Variants in TMEFF2 observed in about 807,000 individuals in gnomAD.
TMEFF2 encodes tomoregulin-2.
TMEFF2 carries 28 observed loss-of-function variants against 53.8 expected under a neutral mutation model. That is an observed-to-expected ratio of 0.52 (90% CI 0.39 to 0.71). TMEFF2 has a LOEUF of 0.71. Ranked by LOEUF, TMEFF2 falls within the 30% of genes least tolerant of loss-of-function variation. The pLI is 0.00. For synonymous variants in TMEFF2, 162 were observed against 166.3 expected (o/e 0.97, Z 0.20); for missense variants, 353 against 455.2 (o/e 0.78, Z 2.04).
intron 4 of TMEFF2, among the ~76,000 whole-genome samples, chr2:192,099,018 T>C (rs1688976256): frequency 6.6e-6 from 1 of 152,134 alleles, no homozygotes; most frequent in South Asian, 2.1e-4. Context: ...AAAACCACTT[T>C]AGTACTTGGT....
chr2:192,072,844 T>A (rs929038495), intron 4 of TMEFF2, among the ~76,000 whole-genome samples: 2 of 151,830 alleles, frequency 1.3e-5, no homozygotes, highest in Non-Finnish European at 2.9e-5. Flanking sequence ...GGAGACTGCA[T>A]CATATTCATT....
chr2:192,048,777 G>A (rs1687689100), intron 5 of TMEFF2, among the ~76,000 whole-genome samples: 2 of 152,120 alleles, frequency 1.3e-5, no homozygotes, highest in Admixed American at 1.3e-4. Context: ...CTCACAGTCA[G>A]GGTTGCCACT....
intron 4 of TMEFF2, among the ~76,000 whole-genome samples, chr2:192,077,171 T>G (rs148131570): frequency 7.9e-4 from 120 of 152,262 alleles, no homozygotes; most frequent in Non-Finnish European, 9.3e-4. Flanking sequence ...GTTGAGAGTT[T>G]TAGCAAATGC....
At chr2:191,966,290 G>A (rs1197413988) in intron 7 of TMEFF2, among the ~76,000 whole-genome samples, 1 of 152,194 alleles carries the variant, frequency 6.6e-6, no homozygotes, top group Non-Finnish European at 1.5e-5. Context: ...CAGAGAAGGG[G>A]ATGTGGTTTC....
Position 192,075,332 on chromosome 2 carries a change from T to TATACACAC in TMEFF2, c.440-17558_440-17557insGTGTGTAT, listed in dbSNP as rs796267672. 5.0e-3 allele frequency among the ~76,000 whole-genome samples: 438 copies of TATACACAC among 88,084 alleles called. 21 individuals are homozygous for TATACACAC. The highest frequency in any genetic ancestry group is 0.01 in the Admixed American group (75 of 7,174). The allele number at this position is 88,084 out of a possible 152,430, so 57.8% of individuals were successfully genotyped here. ...ATATATATATATATATATATATATA[T>TATACACAC]ACATACATACTATGTATATCCTTGC... On this transcript the variant is annotated intron_variant, in intron 4 of 9. Transcript: ENST00000272771.
chr2:192,017,502 T>C (rs1257990576), intron 5 of TMEFF2, among the ~76,000 whole-genome samples: 2 of 152,156 alleles, frequency 1.3e-5, no homozygotes, highest in Non-Finnish European at 2.9e-5. Context: ...TCATTATGCC[T>C]TTTGGCAGCA....
intron 4 of TMEFF2, among the ~76,000 whole-genome samples, chr2:192,087,294 A>G (rs1412308563): frequency 6.6e-6 from 1 of 152,092 alleles, no homozygotes; most frequent in African/African-American, 2.4e-5. Flanking sequence ...AAAACAGCCT[A>G]CAATTTAATT....
intron 4 of TMEFF2, among the ~76,000 whole-genome samples, chr2:192,090,569 G>A (rs73982385): frequency 0.017 from 2,592 of 152,222 alleles, 77 homozygotes; most frequent in African/African-American, 0.059. Context: ...CACAATGTGT[G>A]ACATGAGCTA....
chr2:192,107,844 C>T (rs1425667617), intron 4 of TMEFF2, among the ~76,000 whole-genome samples: 1 of 151,702 alleles, frequency 6.6e-6, no homozygotes, highest in Non-Finnish European at 1.5e-5. Flanking sequence ...ATCAAGAAAT[C>T]ACAAGGCAAA....
chr2:192,069,949 T>C (rs1455288970), intron 4 of TMEFF2, among the ~76,000 whole-genome samples: 5 of 108,912 alleles, frequency 4.6e-5, no homozygotes, highest in Non-Finnish European at 8.2e-5. Context: ...CCCTGTTTTT[T>C]CTAGATTTAG....
intron 3 of TMEFF2, 40 bp from the exon 4 acceptor site, chr2:192,179,734 C>T: frequency 6.6e-7 from 1 of 1,510,648 alleles, no homozygotes; most frequent in Admixed American, 2.6e-5. Context: ...AAAACATATT[C>T]AAAAATATTT....
chr2:192,109,629 G>A lies in TMEFF2; in HGVS notation c.440-51854C>T, dbSNP rs113833179. On this transcript the variant is annotated intron_variant, in intron 4 of 9. Coordinates refer to ENST00000272771, the MANE Select transcript of TMEFF2 (RefSeq NM_016192.4). ...TGTCAGGTCCACACTACCTGATGACGCACTACATATGGTGGGGAGGTAGAG... is the reference window on the plus strand; with the variant it reads ...TGTCAGGTCCACACTACCTGATGACACACTACATATGGTGGGGAGGTAGAG... Among the ~76,000 whole-genome samples the A allele has an allele frequency of 9.4e-3, 1,432 of 152,120 alleles. 30 individuals are homozygous for A. The highest frequency in any genetic ancestry group is 0.032 in the African/African-American group (1,308 of 41,516).
At chr2:191,977,471 A>T (rs1001568496) in intron 7 of TMEFF2, among the ~76,000 whole-genome samples, 4 of 152,224 alleles carry the variant, frequency 2.6e-5, no homozygotes, top group African/African-American at 4.8e-5. Context: ...AAAGGCTTGC[A>T]TAGTTGAAGG....
intron 7 of TMEFF2, among the ~76,000 whole-genome samples, chr2:191,994,993 A>G (rs1686189192): frequency 6.6e-6 from 1 of 151,988 alleles, no homozygotes; most frequent in African/African-American, 2.4e-5. Context: ...GATTGAGCAA[A>G]TTCTTTGGTT....
chr2:192,102,687 G>C (rs1239062406), intron 4 of TMEFF2, among the ~76,000 whole-genome samples: 1 of 128,318 alleles, frequency 7.8e-6, no homozygotes, highest in Non-Finnish European at 1.6e-5. Context: ...GGAGTGCAGT[G>C]GTATGATCTC....
intron 4 of TMEFF2, among the ~76,000 whole-genome samples, chr2:192,139,293 C>T (rs754930825): frequency 2.6e-5 from 4 of 152,094 alleles, no homozygotes; most frequent in Non-Finnish European, 5.9e-5. Flanking sequence ...ATATAATCAT[C>T]GCTTGGGAAC....
intron 7 of TMEFF2, among the ~76,000 whole-genome samples, chr2:191,977,370 C>G (rs1466964828): frequency 6.6e-6 from 1 of 152,188 alleles, no homozygotes; most frequent in Admixed American, 6.5e-5. Flanking sequence ...ATGGGCAGTC[C>G]CACTGCCAGG....
At chr2:192,162,616 C>G (rs1435017280) in intron 4 of TMEFF2, among the ~76,000 whole-genome samples, 1 of 152,072 alleles carries the variant, frequency 6.6e-6, no homozygotes, top group Non-Finnish European at 1.5e-5. Flanking sequence ...GATATGAGCG[C>G]CCCCTACTGG....
intron 4 of TMEFF2, among the ~76,000 whole-genome samples, chr2:192,063,721 C>A (rs1688103397): frequency 6.6e-6 from 1 of 151,718 alleles, no homozygotes; most frequent in South Asian, 2.1e-4. Context: ...TTGTCTCATA[C>A]TTGGGAGCTT....
Sources: gnomAD v4.1 joint callset for allele counts (sites outside exome capture counted in the v4.1 genomes callset) on GRCh38, gnomAD v4.1.1 for gene constraint, MANE v1.5 for transcripts, NCBI Gene and HGNC (gene_info 2026-07-23, HGNC 2026-07-21) for gene names.